The following CPLX2 variants were observed in gnomAD, a reference collection of about 807,000 sequenced individuals.
CPLX2 encodes the protein complexin 2.
Under a neutral mutation model 16.3 loss-of-function variants are expected in CPLX2, and 5 were observed. That is an observed-to-expected ratio of 0.31 (90% CI 0.16 to 0.64). The LOEUF is 0.64. CPLX2 is among the 30% of genes least tolerant of loss of function. The probability of loss-of-function intolerance (pLI) is 0.79; values close to 1 mark genes in which losing one functional copy is unlikely to be tolerated. For missense variants in CPLX2, 144 were observed against 181.4 expected, an observed-to-expected ratio of 0.79 and a Z score of 1.18; for synonymous variants, 89 against 73.2, an observed-to-expected ratio of 1.22 and a Z score of -1.10.
intron 2 of CPLX2, among the ~76,000 whole-genome samples, chr5:175,863,979 G>A (rs909205016): frequency 3.3e-5 from 5 of 152,186 alleles, no homozygotes; most frequent in African/African-American, 1.2e-4. Flanking sequence ...AAGATTATGA[G>A]GCAGAGTTCT....
chr5:175,805,130 T>C (rs1048154525), intron 1 of CPLX2, among the ~76,000 whole-genome samples: 23 of 152,244 alleles, frequency 1.5e-4, no homozygotes, highest in African/African-American at 5.5e-4. Flanking sequence ...TGAATTTCAA[T>C]AGAGCATAGA....
intron 2 of CPLX2, among the ~76,000 whole-genome samples, chr5:175,825,304 T>C (rs1436177159): frequency 1.3e-5 from 2 of 151,796 alleles, no homozygotes; most frequent in African/African-American, 4.8e-5. Context: ...TGAGGCAGAA[T>C]TGCTTGAACC....
intron 2 of CPLX2, among the ~76,000 whole-genome samples, chr5:175,818,911 C>T (rs529370819): frequency 1.4e-4 from 21 of 152,230 alleles, no homozygotes; most frequent in African/African-American, 4.3e-4. Flanking sequence ...GATCGGCCCA[C>T]CTCAGCCTCC....
At chr5:175,875,530 A>G (rs1486185839) in intron 1 of CPLX2, among the ~76,000 whole-genome samples, 2 of 152,196 alleles carry the variant, frequency 1.3e-5, no homozygotes, top group Admixed American at 6.5e-5. Flanking sequence ...TTCTCATTTT[A>G]TAGAGAAGAT....
At chr5:175,850,726 C>A (rs1317323233) in intron 2 of CPLX2, among the ~76,000 whole-genome samples, 1 of 152,168 alleles carries the variant, frequency 6.6e-6, no homozygotes, top group Non-Finnish European at 1.5e-5. Flanking sequence ...AGAACCCCCA[C>A]TAATATCTGC....
intron 2 of CPLX2, among the ~76,000 whole-genome samples, chr5:175,846,476 T>G (rs1196757884): frequency 2.6e-5 from 4 of 152,194 alleles, no homozygotes; most frequent in African/African-American, 9.7e-5. Context: ...AGGAATCTTC[T>G]AGGTTGAAAG....
intron 2 of CPLX2, among the ~76,000 whole-genome samples, chr5:175,823,821 C>G (rs1758556702): frequency 6.6e-6 from 1 of 152,240 alleles, no homozygotes; most frequent in East Asian, 1.9e-4. Context: ...CTCCCTCTCC[C>G]CTCCCTCCCC....
chr5:175,806,893 C>T (rs773807482), intron 1 of CPLX2, among the ~76,000 whole-genome samples: 2 of 152,152 alleles, frequency 1.3e-5, no homozygotes, highest in African/African-American at 2.4e-5. Context: ...TTCCACTGTG[C>T]GAGATCAAGG....
chr5:175,856,109 C>T (rs1005346927), intron 2 of CPLX2, among the ~76,000 whole-genome samples: 3 of 152,204 alleles, frequency 2.0e-5, no homozygotes, highest in African/African-American at 7.2e-5. Context: ...AGCCTAGAAG[C>T]AACCCTGGTA....
chr5:175,871,456 A>AGAGAGAGAGAGAGG (rs1759606964), upstream of CPLX2: 1 of 122,758 alleles, frequency 8.1e-6, no homozygotes, highest in Admixed American at 8.3e-5. Flanking sequence ...AGAGAGAGAG[A>AGAGAGAGAGAGAGG]GAGAGAGAGA....
chr5:175,827,956 G>A (rs1479636369), intron 2 of CPLX2, among the ~76,000 whole-genome samples: 1 of 152,186 alleles, frequency 6.6e-6, no homozygotes, highest in East Asian at 1.9e-4. Flanking sequence ...AGTCAGTGGA[G>A]TCTATTTTAG....
In CPLX2 at chr5:175,799,596, T is replaced by C. The variant is rs566066135; in HGVS notation, c.-169+2812T>C. ...TATATAGTAATCACAGCTTACTGTATCCTCAAACTCCTGGGCTTAAGGGGT... is the reference window on the plus strand; with the variant it reads ...TATATAGTAATCACAGCTTACTGTACCCTCAAACTCCTGGGCTTAAGGGGT... On this transcript the variant is annotated intron_variant, in intron 1 of 4. Transcript: ENST00000359546. Among the ~76,000 whole-genome samples the C allele has an allele frequency of 1.1e-3, 146 of 138,490 alleles. 2 individuals are homozygous for C. Among genetic ancestry groups the C allele is most frequent in the Admixed American group, 2.7e-3 (37 of 13,820 alleles). 90.9% of individuals were successfully genotyped at this position (138,490 alleles called of 152,430 possible).
At chr5:175,878,625 C>T in intron 1 of CPLX2, 27 bp from the exon 2 acceptor site, 4 of 1,225,222 alleles carry the variant, frequency 3.3e-6, no homozygotes, top group Non-Finnish European at 4.7e-6. Context: ...AGGCCTCTCC[C>T]ATCTGACTCC....
chr5:175,804,924 C>T (rs143127327), intron 1 of CPLX2, among the ~76,000 whole-genome samples: 6 of 152,284 alleles, frequency 3.9e-5, no homozygotes, highest in Middle Eastern at 3.4e-3. Context: ...AGTTTTGAAG[C>T]GAGGGACCCT....
At chr5:175,812,408 A>G (rs1758328297) in intron 2 of CPLX2, among the ~76,000 whole-genome samples, 1 of 152,152 alleles carries the variant, frequency 6.6e-6, no homozygotes, top group Admixed American at 6.5e-5. Flanking sequence ...CAAAGGAAAT[A>G]TGTTGCGTTC....
chr5:175,848,739 T>C (rs563503889), intron 2 of CPLX2, among the ~76,000 whole-genome samples: 1 of 152,284 alleles, frequency 6.6e-6, no homozygotes, highest in Non-Finnish European at 1.5e-5. Context: ...CTGTTTTAAA[T>C]ATAGCAATCA....
intron 1 of CPLX2, among the ~76,000 whole-genome samples, chr5:175,807,200 A>G (rs1031596257): frequency 1.3e-5 from 2 of 152,220 alleles, no homozygotes; most frequent in African/African-American, 4.8e-5. Flanking sequence ...TAATTCTAGT[A>G]GTTCACGCTT....
intron 2 of CPLX2, among the ~76,000 whole-genome samples, chr5:175,851,043 CA>C (rs1201040969): frequency 2.6e-5 from 4 of 151,872 alleles, no homozygotes; most frequent in African/African-American, 9.7e-5. Context: ...TAAGGAACCA[CA>C]GAGATGGTAG....
intron 2 of CPLX2, among the ~76,000 whole-genome samples, chr5:175,818,195 G>C (rs1009342929): frequency 6.6e-6 from 1 of 152,240 alleles, no homozygotes; most frequent in East Asian, 1.9e-4. Flanking sequence ...GGCCCACTAG[G>C]GAGGGGAAGG....
Sources: gnomAD v4.1 joint callset for allele counts (sites outside exome capture counted in the v4.1 genomes callset) on GRCh38, gnomAD v4.1.1 for gene constraint, MANE v1.5 for transcripts, NCBI Gene and HGNC (gene_info 2026-07-23, HGNC 2026-07-21) for gene names.